BTG2: variants seen among roughly 807,000 people sequenced by gnomAD.
The protein encoded by BTG2 is protein BTG2.
BTG2 carries 9 observed loss-of-function variants against 13.1 expected under a neutral mutation model. That is an observed-to-expected ratio of 0.69 (90% CI 0.41 to 1.20). The LOEUF is 1.20. Among genes scored for constraint, BTG2 ranks in the 50% most tolerant of loss-of-function variants. The pLI is 0.00. For missense variants in BTG2, 200 were observed against 209.5 expected (o/e 0.95, Z 0.28); for synonymous variants, 92 against 88.6 (o/e 1.04, Z -0.21).
At chr1:203,306,848 T>TCACACACA (rs56272333) in intron 1 of BTG2, among the ~76,000 whole-genome samples, 12 of 131,394 alleles carry the variant, frequency 9.1e-5, no homozygotes, top group African/African-American at 3.7e-4. Context: ...ACACACTCAG[T>TCACACACA]CACACACACA....
In BTG2 at chr1:203,309,431, G is replaced by A. The variant is rs138896134; in HGVS notation, c.*1993G>A. On this transcript the variant is annotated 3_prime_UTR_variant, in exon 2 of 2. Coordinates refer to ENST00000290551, the MANE Select transcript of BTG2 (RefSeq NM_006763.3). ...ACCCCTGAGCTGGACTGTTGAGCAG[G>A]CCTGTCTCTCCTATTAAGTAAAAAT... 6.5e-6 allele frequency: 1 copy of A among 152,686 alleles called. No individual in the cohort carries two copies. The highest frequency in any genetic ancestry group is 2.4e-5 in the African/African-American group (1 of 41,544). 9.5% of individuals were successfully genotyped at this position (152,686 alleles called of 1,614,324 possible). A position where few individuals can be genotyped will look rare whatever the true frequency, so the allele number is the denominator to read the frequency against.
In BTG2 at chr1:203,308,564, C is replaced by T. The variant is rs1159570530; in HGVS notation, c.*1126C>T. 6.6e-6 allele frequency: 1 copy of T among 152,636 alleles called. No homozygotes were observed. Among genetic ancestry groups the T allele is most frequent in the Non-Finnish European group, 1.5e-5 (1 of 68,054 alleles). 9.5% of individuals were successfully genotyped at this position (152,636 alleles called of 1,614,324 possible). A position where few individuals can be genotyped will look rare whatever the true frequency, so the allele number is the denominator to read the frequency against. On this transcript the variant is annotated 3_prime_UTR_variant, in exon 2 of 2. Transcript: ENST00000290551. Reference sequence around the variant, plus strand: ...CTGGCTATCAGAACCTCCTGATGCCCTGGTGGGCTTAGGGAACCATCTCTC... The same window carrying T: ...CTGGCTATCAGAACCTCCTGATGCCTTGGTGGGCTTAGGGAACCATCTCTC...
At chr1:203,307,063 T>A in intron 1 of BTG2, 41 bp from the exon 2 acceptor site, 4 of 1,568,014 alleles carry the variant, frequency 2.6e-6, no homozygotes, top group Non-Finnish European at 3.5e-6. Context: ...ATGGCCTAGC[T>A]GCTCTAACCA....
chr1:203,305,543 A>C lies in BTG2; in HGVS notation c.-64A>C. The C allele has an allele frequency of 6.5e-7, 1 of 1,543,088 alleles. No homozygotes were observed. Among genetic ancestry groups the C allele is most frequent in the Non-Finnish European group, 8.8e-7 (1 of 1,142,822 alleles). ...CAGAGCCCGAGCAGCGGCCAGGGTA[A>C]CGCTGTCTTGTGGACCCGCACTTCC... On this transcript the variant is annotated 5_prime_UTR_variant, in exon 1 of 2. Coordinates refer to ENST00000290551, the MANE Select transcript of BTG2 (RefSeq NM_006763.3).
Position 203,308,062 on chromosome 1 carries a change from A to G in BTG2, c.*624A>G, listed in dbSNP as rs1658314599. On this transcript the variant is annotated 3_prime_UTR_variant, in exon 2 of 2. Coordinates refer to ENST00000290551, the MANE Select transcript of BTG2 (RefSeq NM_006763.3). ...ATGACTTGTTTCTAATTCTACCCTCAGGGGCCTGTAGATGTTGCTTTCCAG... is the reference window on the plus strand; with the variant it reads ...ATGACTTGTTTCTAATTCTACCCTCGGGGGCCTGTAGATGTTGCTTTCCAG... 6.6e-6 allele frequency: 1 copy of G among 152,476 alleles called. No homozygotes were observed. The highest frequency in any genetic ancestry group is 2.4e-5 in the African/African-American group (1 of 41,348). The allele number at this position is 152,476 out of a possible 1,614,324, so 9.4% of individuals were successfully genotyped here.
intron 1 of BTG2, among the ~76,000 whole-genome samples, chr1:203,306,593 A>C (rs1658280090): frequency 1.3e-5 from 2 of 152,168 alleles, no homozygotes; most frequent in African/African-American, 4.8e-5. Flanking sequence ...AGCAGAGGGA[A>C]CACAGGGTGG....
intron 1 of BTG2, among the ~76,000 whole-genome samples, chr1:203,306,512 T>G (rs1658278096): frequency 6.6e-6 from 1 of 151,930 alleles, no homozygotes; most frequent in Admixed American, 6.6e-5. Context: ...AAAACAGATG[T>G]TTCATCAAAA....
intron 1 of BTG2, among the ~76,000 whole-genome samples, chr1:203,305,952 G>T: frequency 6.6e-6 from 1 of 152,226 alleles, no homozygotes; most frequent in African/African-American, 2.4e-5. Context: ...GGCCGTGGCG[G>T]TTCTGATGGG....
At chr1:203,306,148 T>G (rs1571500551) in intron 1 of BTG2, among the ~76,000 whole-genome samples, 1 of 152,190 alleles carries the variant, frequency 6.6e-6, no homozygotes, top group East Asian at 1.9e-4. Flanking sequence ...GGGAAGAAGG[T>G]GCAGTCGAGC....
rs989693507 is a variant in BTG2, at chr1:203,308,688, T to C, written c.*1250T>C. The C allele has an allele frequency of 5.9e-5, 9 of 152,750 alleles. No homozygotes were observed. Among genetic ancestry groups the C allele is most frequent in the African/African-American group, 2.2e-4 (9 of 41,576 alleles). The allele number at this position is 152,750 out of a possible 1,614,324, so 9.5% of individuals were successfully genotyped here. The stretch of plus-strand genomic sequence containing the variant: ...GTTCTGCAAGACTACTTGGTATTCT[T>C]GTAGGGCCGACACTAAATAAAAGCC... On this transcript the variant is annotated 3_prime_UTR_variant, in exon 2 of 2. Transcript: ENST00000290551.
Position 203,308,989 on chromosome 1 carries a change from G to C in BTG2, c.*1551G>C, listed in dbSNP as rs1213773374. 4 of 152,658 alleles carry C rather than the reference G, an allele frequency of 2.6e-5. No individual in the cohort carries two copies. The highest frequency in any genetic ancestry group is 5.9e-5 in the Non-Finnish European group (4 of 68,064). 9.5% of individuals were successfully genotyped at this position (152,658 alleles called of 1,614,324 possible). A position where few individuals can be genotyped will look rare whatever the true frequency, so the allele number is the denominator to read the frequency against. On this transcript the variant is annotated 3_prime_UTR_variant, in exon 2 of 2. Coordinates refer to ENST00000290551, the MANE Select transcript of BTG2 (RefSeq NM_006763.3). ...TGGCCAGGATGGCCACCCTCCTGCT[G>C]TTGCCCCTTAGTGAGGAATCTTCAC...
rs1353722748 is a variant in BTG2 at position 203,305,675 on chromosome 1, C to T, written c.69C>T (p.Leu23=). Residue 23 remains leucine (L), a synonymous_variant, in exon 1 of 2, where the codon CTC becomes CTT. Coordinates refer to ENST00000290551, the MANE Select transcript of BTG2 (RefSeq NM_006763.3). ...CCGCCGTGGGCTTCCTCTCCAGCCT[C>T]CTGAGGACCCGGGGCTGCGTGAGCG... ...IAAAVGFLSS[L]LRTRGCVSEQ... is the part of the protein sequence containing the mutation. 4 of 1,569,218 alleles carry T rather than the reference C, an allele frequency of 2.5e-6. No individual in the cohort carries two copies. Among genetic ancestry groups the T allele is most frequent in the Non-Finnish European group, 3.5e-6 (4 of 1,157,330 alleles).
At chr1:203,306,169 AT>A (rs1658266281) in intron 1 of BTG2, among the ~76,000 whole-genome samples, 1 of 151,988 alleles carries the variant, frequency 6.6e-6, no homozygotes, top group Admixed American at 6.5e-5. Context: ...CTTTTCAACA[AT>A]TTGGAGTCCC....
At chr1:203,306,234 T>G (rs1658268853) in intron 1 of BTG2, among the ~76,000 whole-genome samples, 1 of 152,180 alleles carries the variant, frequency 6.6e-6, no homozygotes, top group African/African-American at 2.4e-5. Context: ...AGTCCACTGG[T>G]TGCTGACTGG....
rs1558183217 is a variant in BTG2 at position 203,305,695 on chromosome 1, TGAGCGAGCAGAG to T, written c.91_102del (p.Ser31_Arg34del). 6.4e-7 allele frequency: 1 copy of T among 1,557,850 alleles called. No individual in the cohort carries two copies. The highest frequency in any genetic ancestry group is 1.2e-5 in the South Asian group (1 of 84,540). The stretch of plus-strand genomic sequence containing the variant: ...AGCCTCCTGAGGACCCGGGGCTGCG[TGAGCGAGCAGAG>T]GCTTAAGGTCTTCAGCGGGGCGCTC... On this transcript the variant is annotated inframe_deletion, in exon 1 of 2. Coordinates refer to ENST00000290551, the MANE Select transcript of BTG2 (RefSeq NM_006763.3).
Position 203,307,447 on chromosome 1 carries a change from G to A in BTG2, c.*9G>A, listed in dbSNP as rs756195828. ...TGGCAGTCTCCAGCTAGGCCCTTCC[G>A]CCCCCGCCCTGGGCGCCGCCGTGCT... is the stretch of plus-strand genomic sequence containing the variant. On this transcript the variant is annotated 3_prime_UTR_variant, in exon 2 of 2. Transcript: ENST00000290551. The A allele has an allele frequency of 3.2e-5, 50 of 1,562,854 alleles. 1 individual carries two copies. In the South Asian group the frequency reaches 4.7e-4, roughly 15 times the overall value.
At chr1:203,306,492 C>T (rs1458254736) in intron 1 of BTG2, among the ~76,000 whole-genome samples, 1 of 152,176 alleles carries the variant, frequency 6.6e-6, no homozygotes, top group Middle Eastern at 3.4e-3. Flanking sequence ...ACAGACCCTG[C>T]CTTCTGAGGA....
rs933084594 is a variant in BTG2, at chr1:203,307,852, C to T, written c.*414C>T. ...CTGGGGGAGGAAGAGAGGCCAAGTT[C>T]AGAGCTCTCTGTCTCCCCCAGCCAG... On this transcript the variant is annotated 3_prime_UTR_variant, in exon 2 of 2. Transcript: ENST00000290551. 4.5e-5 allele frequency: 7 copies of T among 155,472 alleles called. No individual in the cohort carries two copies. The highest frequency in any genetic ancestry group is 1.0e-4 in the Non-Finnish European group (7 of 70,128). The allele number at this position is 155,472 out of a possible 1,614,324, so 9.6% of individuals were successfully genotyped here.
intron 1 of BTG2, among the ~76,000 whole-genome samples, chr1:203,306,178 CCCAGTGCGGTTCTTCCTGCCGGTCGGGG>C (rs1284759111): frequency 6.6e-6 from 1 of 152,174 alleles, no homozygotes; most frequent in African/African-American, 2.4e-5. Context: ...AATTTGGAGT[CCCAGTGCGGTTCTTCCTGCCGGTCGGGG>C]TGCGCTGTGC....
Sources: allele counts gnomAD v4.1 joint callset (sites outside exome capture counted in the v4.1 genomes callset), GRCh38; gene constraint gnomAD v4.1.1; transcripts MANE v1.5; gene names NCBI Gene and HGNC (gene_info 2026-07-23, HGNC 2026-07-21).